The following CPSF2 variants were observed in gnomAD, a reference collection of about 807,000 sequenced individuals.
The protein encoded by CPSF2 is cleavage and polyadenylation specific factor 2.
A neutral mutation model predicts 84.2 loss-of-function variants in CPSF2; 51 were observed. The ratio of observed to expected loss-of-function variants is 0.61; its 90% CI spans 0.48 to 0.77. CPSF2 has a LOEUF of 0.77. Among genes scored for constraint, CPSF2 ranks in the 30% least tolerant of loss-of-function variants. The pLI is 0.00. For missense variants in CPSF2, 641 were observed against 929.4 expected, an observed-to-expected ratio of 0.69 and a Z score of 4.03; for synonymous variants, 286 against 311.9, an observed-to-expected ratio of 0.92 and a Z score of 0.87.
At position 92,142,180 on chromosome 14, in the gene CPSF2, A is replaced by G; in HGVS notation, c.678A>G (p.Thr226=). Residue 226 remains threonine, a synonymous_variant, in exon 8 of 16, where the codon ACA becomes ACG. Transcript: ENST00000298875. Reference sequence around the variant, plus strand: ...GTTTTCTAGCAAATGTCCTGGAAACACTTCGAGGTGATGGAAATGTGTTAA... The same window carrying G: ...GTTTTCTAGCAAATGTCCTGGAAACGCTTCGAGGTGATGGAAATGTGTTAA... ...DEQLLTNVLE[T]LRGDGNVLIA... 1 of 1,609,422 alleles carries G rather than the reference A, an allele frequency of 6.2e-7. No homozygotes were observed. Among genetic ancestry groups the G allele is most frequent in the Non-Finnish European group, 8.5e-7 (1 of 1,177,092 alleles).
In CPSF2 at chr14:92,133,212, G is replaced by A. The variant is rs566763395; in HGVS notation, c.150-799G>A. 2.6e-5 allele frequency among the ~76,000 whole-genome samples: 4 copies of A among 152,210 alleles called. 1 individual carries two copies. The South Asian group carries it at 8.3e-4, about 32-fold the overall frequency. ...AGGTGGGCGGATCACCTGAGGTTGG[G>A]AGTTCGAGACCACCCTAACCAACAT... On this transcript the variant is annotated intron_variant, in intron 3 of 15. Transcript: ENST00000298875.
intron 9 of CPSF2, among the ~76,000 whole-genome samples, chr14:92,146,335 CAA>C (rs1055492248): frequency 1.3e-5 from 2 of 152,166 alleles, no homozygotes; most frequent in Non-Finnish European, 2.9e-5. Flanking sequence ...GCCTGGCCAA[CAA>C]AGTGAAACCC....
intron 6 of CPSF2, among the ~76,000 whole-genome samples, chr14:92,137,585 A>G (rs1349153876): frequency 6.6e-6 from 1 of 152,174 alleles, no homozygotes; most frequent in African/African-American, 2.4e-5. Context: ...ACTTTTCTGG[A>G]TGAGGTTAAA....
chr14:92,135,741 G>T (rs1165044616), intron 6 of CPSF2, among the ~76,000 whole-genome samples: 3 of 152,192 alleles, frequency 2.0e-5, no homozygotes, highest in Non-Finnish European at 1.5e-5. Flanking sequence ...TATCTCCCTG[G>T]AGATGTTGCA....
At chr14:92,123,197 C>T (rs548193575) in intron 1 of CPSF2, among the ~76,000 whole-genome samples, 2 of 151,498 alleles carry the variant, frequency 1.3e-5, no homozygotes, top group East Asian at 3.9e-4. Context: ...GCACGATTCT[C>T]GGCTCACTGC....
intron 2 of CPSF2, among the ~76,000 whole-genome samples, chr14:92,130,463 T>G (rs2068905251): frequency 6.6e-6 from 1 of 152,222 alleles, no homozygotes; most frequent in Non-Finnish European, 1.5e-5. Flanking sequence ...CCTTGAAGGA[T>G]GAGTTCATTA....
chr14:92,156,680 A>C (rs775122937), intron 12 of CPSF2, 49 bp downstream of exon 12: 3 of 1,346,954 alleles, frequency 2.2e-6, no homozygotes, highest in Admixed American at 4.6e-5. Flanking sequence ...ATAAAATTTC[A>C]AGCATTTGAA....
chr14:92,149,484 G>A (rs925345512), intron 9 of CPSF2, among the ~76,000 whole-genome samples: 12 of 152,014 alleles, frequency 7.9e-5, no homozygotes, highest in African/African-American at 2.9e-4. Flanking sequence ...AGACATACTG[G>A]CTCATGCTTG....
At chr14:92,146,520 C>CA (rs1333045059) in intron 9 of CPSF2, among the ~76,000 whole-genome samples, 2 of 151,576 alleles carry the variant, frequency 1.3e-5, no homozygotes, top group Non-Finnish European at 2.9e-5. Flanking sequence ...GACTCCATCT[C>CA]AAAAAACAAA....
At position 92,142,184 on chromosome 14, in the gene CPSF2, C is replaced by A; in HGVS notation, c.682C>A (p.Arg228=). The change falls in exon 8 of 16, where the codon CGA becomes AGA. Residue 228 remains arginine (R), a synonymous_variant. Coordinates refer to ENST00000298875, the MANE Select transcript of CPSF2 (RefSeq NM_017437.3). ...TCTAGCAAATGTCCTGGAAACACTT[C>A]GAGGTGATGGAAATGTGTTAATAGC... ...QLLTNVLETL[R]GDGNVLIAVD... is the part of the protein sequence containing the mutation. 1 of 1,609,802 alleles carries A rather than the reference C, an allele frequency of 6.2e-7. No homozygotes were observed. The highest frequency in any genetic ancestry group is 1.7e-4 in the Middle Eastern group (1 of 6,042).
intron 9 of CPSF2, among the ~76,000 whole-genome samples, chr14:92,151,325 C>T (rs377671585): frequency 2.9e-4 from 44 of 151,706 alleles, no homozygotes; most frequent in African/African-American, 9.9e-4. Context: ...CCTGGGAGTT[C>T]GAGGCTGCAG....
At chr14:92,145,498 A>G (rs1053512151) in intron 9 of CPSF2, among the ~76,000 whole-genome samples, 1 of 152,194 alleles carries the variant, frequency 6.6e-6, no homozygotes, top group East Asian at 1.9e-4. Context: ...GAAAATCATA[A>G]CATCAGTAAC....
intron 6 of CPSF2, among the ~76,000 whole-genome samples, chr14:92,135,730 G>T (rs77245858): frequency 6.6e-6 from 1 of 152,164 alleles, no homozygotes; most frequent in Non-Finnish European, 1.5e-5. Flanking sequence ...TACAAAACGG[G>T]TATCTCCCTG....
At position 92,171,236 on chromosome 14, in the gene CPSF2, C is replaced by T. The variant is rs2069513686; in HGVS notation, c.*9492C>T. 1 of 152,160 alleles carries T rather than the reference C, an allele frequency of 6.6e-6. No homozygotes were observed. Among genetic ancestry groups the T allele is most frequent in the African/African-American group, 2.4e-5 (1 of 41,408 alleles). 9.4% of individuals were successfully genotyped at this position (152,160 alleles called of 1,614,324 possible). Reference sequence around the variant, plus strand: ...CAAACTCCTGGGCTCATGCCATTTTCCCCTCAGCTTTTGGAGTTAGCTGGG... The same window carrying T: ...CAAACTCCTGGGCTCATGCCATTTTTCCCTCAGCTTTTGGAGTTAGCTGGG... On this transcript the variant is annotated 3_prime_UTR_variant, in exon 16 of 16. Transcript: ENST00000298875.
chr14:92,125,383 G>A (rs139478832), intron 1 of CPSF2, among the ~76,000 whole-genome samples: 7 of 152,096 alleles, frequency 4.6e-5, no homozygotes, highest in Admixed American at 2.0e-4. Context: ...TATTCATGTC[G>A]CAGAGCTATA....
At chr14:92,143,329 G>T in intron 9 of CPSF2, 35 bp downstream of exon 9, 1 of 1,342,326 alleles carries the variant, frequency 7.4e-7, no homozygotes, top group Non-Finnish European at 1.0e-6. Flanking sequence ...TCTTAAAACT[G>T]TTTGGGGGAT....
chr14:92,169,747 C>T lies in CPSF2; in HGVS notation c.*8003C>T, dbSNP rs562545852. On this transcript the variant is annotated 3_prime_UTR_variant, in exon 16 of 16. Coordinates refer to ENST00000298875, the MANE Select transcript of CPSF2 (RefSeq NM_017437.3). ...GTTGTTCATTTTATCTAATTACTGC[C>T]TATTAAGAAAAGCTTCACATTTATT... 6.7e-6 allele frequency: 1 copy of T among 149,672 alleles called. No homozygotes were observed. Among genetic ancestry groups the T allele is most frequent in the South Asian group, 2.1e-4 (1 of 4,768 alleles). The allele number at this position is 149,672 out of a possible 1,614,324, so 9.3% of individuals were successfully genotyped here.
chr14:92,144,919 A>G (rs1412536540), intron 9 of CPSF2, among the ~76,000 whole-genome samples: 1 of 152,206 alleles, frequency 6.6e-6, no homozygotes, highest in African/African-American at 2.4e-5. Context: ...GAATTCCTTT[A>G]TCTTTCCACC....
intron 7 of CPSF2, among the ~76,000 whole-genome samples, chr14:92,140,716 G>A (rs1244696380): frequency 6.6e-6 from 1 of 151,948 alleles, no homozygotes; most frequent in East Asian, 1.9e-4. Flanking sequence ...ATAGGTGTGA[G>A]CCACCATGCC....
Sources: gnomAD v4.1 joint callset for allele counts (sites outside exome capture counted in the v4.1 genomes callset) on GRCh38, gnomAD v4.1.1 for gene constraint, MANE v1.5 for transcripts, NCBI Gene and HGNC (gene_info 2026-07-23, HGNC 2026-07-21) for gene names.